The following PLPPR1 variants were observed in gnomAD, a reference collection of about 807,000 sequenced individuals.
PLPPR1 encodes phospholipid phosphatase related 1.
In PLPPR1, 10 loss-of-function variants were observed where a neutral mutation model predicts 33.1. The observed-to-expected ratio is 0.30, with a 90% CI of 0.19 to 0.51. The LOEUF is 0.51. Among genes scored for constraint, PLPPR1 ranks in the 20% least tolerant of loss-of-function variants. PLPPR1 has a pLI of 0.97. For missense variants in PLPPR1, 304 were observed against 408.1 expected (o/e 0.74, Z 2.20); for synonymous variants, 151 against 151.0 (o/e 1.00, Z 0.00).
chr9:101,192,984 T>A (rs1826323784), intron 2 of PLPPR1, among the ~76,000 whole-genome samples: 1 of 152,152 alleles, frequency 6.6e-6, no homozygotes, highest in South Asian at 2.1e-4. Flanking sequence ...AGTGCTAAGT[T>A]CTAAAATGAG....
chr9:101,276,174 A>G (rs1828187834), intron 3 of PLPPR1, among the ~76,000 whole-genome samples: 1 of 152,128 alleles, frequency 6.6e-6, no homozygotes, highest in African/African-American at 2.4e-5. Flanking sequence ...TCTTTATAAC[A>G]TTTTATAATT....
chr9:101,137,089 T>C (rs1041033614), intron 1 of PLPPR1, among the ~76,000 whole-genome samples: 4 of 152,160 alleles, frequency 2.6e-5, no homozygotes, highest in Admixed American at 2.0e-4. Flanking sequence ...TTTCAAAATA[T>C]CTTATATACC....
chr9:101,316,474 T>G (rs1393587000), intron 6 of PLPPR1, among the ~76,000 whole-genome samples: 2 of 146,222 alleles, frequency 1.4e-5, no homozygotes, highest in African/African-American at 5.1e-5. Context: ...AGTGTAAGAG[T>G]GAGATGGAGA....
chr9:101,267,046 T>G (rs1036305788), intron 2 of PLPPR1, among the ~76,000 whole-genome samples: 1 of 152,164 alleles, frequency 6.6e-6, no homozygotes, highest in Non-Finnish European at 1.5e-5. Flanking sequence ...CAAAATTGTT[T>G]CCAGCCACAT....
chr9:101,144,051 T>C (rs542073754), intron 1 of PLPPR1, among the ~76,000 whole-genome samples: 2 of 152,190 alleles, frequency 1.3e-5, no homozygotes, highest in Admixed American at 6.5e-5. Flanking sequence ...ATTAAGAAAA[T>C]GTGGCACACA....
intron 1 of PLPPR1, among the ~76,000 whole-genome samples, chr9:101,149,433 G>T (rs914329320): frequency 6.6e-6 from 1 of 152,128 alleles, no homozygotes; most frequent in African/African-American, 2.4e-5. Context: ...CAGTCTTATG[G>T]TTATCGGGGG....
chr9:101,149,160 T>C (rs897134590), intron 1 of PLPPR1, among the ~76,000 whole-genome samples: 69 of 152,320 alleles, frequency 4.5e-4, no homozygotes, highest in African/African-American at 1.6e-3. Flanking sequence ...ATGTGTGAGA[T>C]AGTGGGAAAA....
At chr9:101,152,443 T>C (rs886490359) in intron 1 of PLPPR1, among the ~76,000 whole-genome samples, 2 of 152,254 alleles carry the variant, frequency 1.3e-5, no homozygotes, top group Admixed American at 1.3e-4. Context: ...TTGCCGTTGC[T>C]TTTGGTGTTT....
At chr9:101,204,869 G>A (rs1348678329) in intron 2 of PLPPR1, among the ~76,000 whole-genome samples, 1 of 152,056 alleles carries the variant, frequency 6.6e-6, no homozygotes, top group East Asian at 1.9e-4. Flanking sequence ...ATTTTACTAG[G>A]GTCCCTGAAA....
At chr9:101,178,410 G>T (rs1026256859) in intron 1 of PLPPR1, among the ~76,000 whole-genome samples, 1 of 152,172 alleles carries the variant, frequency 6.6e-6, no homozygotes, top group Non-Finnish European at 1.5e-5. Context: ...AAGAGCAGAG[G>T]TTTGTCCTCA....
chr9:101,155,563 A>T (rs911596679), intron 1 of PLPPR1, among the ~76,000 whole-genome samples: 1 of 151,198 alleles, frequency 6.6e-6, no homozygotes, highest in African/African-American at 2.4e-5. Flanking sequence ...ACCTCTCAAC[A>T]TTGTTGCATT....
intron 1 of PLPPR1, among the ~76,000 whole-genome samples, chr9:101,078,258 A>G (rs1361454612): frequency 1.5e-5 from 2 of 134,370 alleles, no homozygotes; most frequent in Non-Finnish European, 3.1e-5. Flanking sequence ...GGGTCAGAGA[A>G]GTGTCAGTGA....
At chr9:101,047,751 A>G (rs994035633) in intron 1 of PLPPR1, among the ~76,000 whole-genome samples, 7 of 152,160 alleles carry the variant, frequency 4.6e-5, no homozygotes, top group African/African-American at 1.7e-4. Flanking sequence ...GTAATTTATA[A>G]TGCTCAAATG....
chr9:101,228,445 C>T (rs184778518), intron 2 of PLPPR1, among the ~76,000 whole-genome samples: 13 of 152,208 alleles, frequency 8.5e-5, no homozygotes, highest in Admixed American at 5.9e-4. Flanking sequence ...TGATACCTGC[C>T]TCACCAACTA....
At chr9:101,275,728 G>GA (rs1266544876) in intron 3 of PLPPR1, among the ~76,000 whole-genome samples, 1 of 152,026 alleles carries the variant, frequency 6.6e-6, no homozygotes, top group Non-Finnish European at 1.5e-5. Context: ...CACAAGGCAT[G>GA]AAAAAAATGG....
intron 2 of PLPPR1, among the ~76,000 whole-genome samples, chr9:101,263,017 T>A (rs10113969): frequency 0.36 from 55,071 of 151,858 alleles, 10,092 homozygotes; most frequent in African/African-American, 0.41. Flanking sequence ...GGTAGGGGCC[T>A]GGGGGAGGGA....
At chr9:101,147,143 T>C (rs1185958498) in intron 1 of PLPPR1, among the ~76,000 whole-genome samples, 15 of 152,148 alleles carry the variant, frequency 9.9e-5, no homozygotes, top group Admixed American at 9.2e-4. Context: ...ATGGCCTCAT[T>C]TGAACTTCAC....
At chr9:101,259,783 A>G (rs2118878278) in intron 2 of PLPPR1, among the ~76,000 whole-genome samples, 1 of 152,238 alleles carries the variant, frequency 6.6e-6, no homozygotes, top group Middle Eastern at 3.4e-3. Flanking sequence ...TGAAGCAGGG[A>G]GGGGGCTTCC....
At chr9:101,236,492 C>A (rs1827301345) in intron 2 of PLPPR1, among the ~76,000 whole-genome samples, 1 of 150,884 alleles carries the variant, frequency 6.6e-6, no homozygotes, top group South Asian at 2.1e-4. Flanking sequence ...TATATAATTC[C>A]TATTTTTAAA....
Sources: allele counts gnomAD v4.1 joint callset (sites outside exome capture counted in the v4.1 genomes callset), GRCh38; gene constraint gnomAD v4.1.1; transcripts MANE v1.5; gene names NCBI Gene and HGNC (gene_info 2026-07-23, HGNC 2026-07-21).